AUH: variants seen among roughly 807,000 people sequenced by gnomAD.
AUH encodes the protein AU RNA binding methylglutaconyl-CoA hydratase, also known as methylglutaconyl-CoA hydratase, mitochondrial.
In AUH, 29 loss-of-function variants were observed where a neutral mutation model predicts 42.3. The observed-to-expected ratio is 0.69, with a 90% confidence interval of 0.51 to 0.93. The LOEUF (loss-of-function observed/expected upper bound fraction) is 0.93, where lower values mean the gene tolerates loss of function less well. Among genes scored for constraint, AUH ranks in the 40% least tolerant of loss-of-function variants. The pLI, the probability that AUH is intolerant of heterozygous loss-of-function variation, is 0.00. For synonymous variants in AUH, 174 were observed against 166.4 expected (o/e 1.05, Z -0.35); for missense variants, 452 against 438.1 (o/e 1.03, Z -0.28).
intron 6 of AUH, among the ~76,000 whole-genome samples, chr9:91,239,156 GTT>G (rs35479845): frequency 6.9e-6 from 1 of 145,574 alleles, no homozygotes. Context: ...TTTTTGTTCT[GTT>G]TTTTTTTTTT....
chr9:91,334,254 G>A (rs1342787088), intron 3 of AUH, among the ~76,000 whole-genome samples: 2 of 152,150 alleles, frequency 1.3e-5, no homozygotes, highest in Non-Finnish European at 2.9e-5. Flanking sequence ...GGGCCACAGG[G>A]TGCCCAGATA....
intron 6 of AUH, among the ~76,000 whole-genome samples, chr9:91,227,699 T>C (rs1471194399): frequency 6.6e-6 from 1 of 150,516 alleles, no homozygotes; most frequent in Non-Finnish European, 1.5e-5. Context: ...TTGTCATAGA[T>C]AGCTCTTATT....
chr9:91,264,855 C>T (rs1162313601), intron 6 of AUH, among the ~76,000 whole-genome samples: 1 of 152,104 alleles, frequency 6.6e-6, no homozygotes, highest in Non-Finnish European at 1.5e-5. Flanking sequence ...CATATCTTTG[C>T]TATCTCATAT....
chr9:91,340,293 A>G (rs986409572), intron 3 of AUH, among the ~76,000 whole-genome samples: 2 of 152,212 alleles, frequency 1.3e-5, no homozygotes, highest in Non-Finnish European at 2.9e-5. Flanking sequence ...AACAAAACCA[A>G]TTGACAGTTA....
chr9:91,361,561 C>T, intron 1 of AUH, 67 bp downstream of exon 1: 2 of 1,542,352 alleles, frequency 1.3e-6, no homozygotes, highest in Non-Finnish European at 1.7e-6. Flanking sequence ...GGACGCTGCA[C>T]CTTATGCCCG....
chr9:91,215,993 A>G (rs1826797254), intron 9 of AUH, 66 bp downstream of exon 9: 1 of 1,490,968 alleles, frequency 6.7e-7, no homozygotes, highest in African/African-American at 1.4e-5. Flanking sequence ...ATTCATTTGA[A>G]TTATACAGAA....
chr9:91,234,812 A>G (rs1276523572), intron 6 of AUH, among the ~76,000 whole-genome samples: 1 of 149,256 alleles, frequency 6.7e-6, no homozygotes, highest in Non-Finnish European at 1.5e-5. Context: ...TGTTACACAG[A>G]GAATTTCAGG....
At chr9:91,358,810 T>C (rs1349471934) in intron 1 of AUH, among the ~76,000 whole-genome samples, 1 of 152,330 alleles carries the variant, frequency 6.6e-6, no homozygotes, top group South Asian at 2.1e-4. Context: ...AGCTAGAAAT[T>C]AGCTCTGCAA....
At chr9:91,340,487 G>A (rs1831026583) in intron 3 of AUH, among the ~76,000 whole-genome samples, 2 of 151,930 alleles carry the variant, frequency 1.3e-5, no homozygotes, top group African/African-American at 4.8e-5. Flanking sequence ...ATTTTACCCC[G>A]AAAAGCAATA....
chr9:91,318,922 T>C (rs1829362884), intron 4 of AUH, among the ~76,000 whole-genome samples: 1 of 152,220 alleles, frequency 6.6e-6, no homozygotes, highest in East Asian at 1.9e-4. Context: ...TACCTCACTC[T>C]TGTTATTTTG....
In AUH at chr9:91,319,253, A is replaced by C. The variant is rs190662311; in HGVS notation, c.505+6065T>G. ...TAGTTCAACATTCTTTGAACTTAAA[A>C]CTTTTAAAAATCTTTTTAAGGTAAT... On this transcript the variant is annotated intron_variant, in intron 4 of 9. Coordinates refer to ENST00000375731, the MANE Select transcript of AUH (RefSeq NM_001698.3). 4.4e-3 allele frequency among the ~76,000 whole-genome samples: 670 copies of C among 152,302 alleles called. 3 individuals carry two copies. The highest frequency in any genetic ancestry group is 0.015 in the African/African-American group (631 of 41,568).
chr9:91,334,899 T>C (rs889913729), intron 3 of AUH, among the ~76,000 whole-genome samples: 1 of 152,152 alleles, frequency 6.6e-6, no homozygotes, highest in Admixed American at 6.6e-5. Context: ...TAAAGCCAAA[T>C]AATCAGGTCA....
chr9:91,356,604 G>C (rs963807525), intron 1 of AUH, among the ~76,000 whole-genome samples: 1 of 151,948 alleles, frequency 6.6e-6, no homozygotes, highest in Non-Finnish European at 1.5e-5. Flanking sequence ...TTAACCTGAG[G>C]GCACTTCCAT....
At chr9:91,299,351 A>G (rs7029087) in intron 4 of AUH, among the ~76,000 whole-genome samples, 17,440 of 152,270 alleles carry the variant, frequency 0.11, 1,132 homozygotes, top group African/African-American at 0.17. Flanking sequence ...GCTGAAGTAC[A>G]CTGAGTTTTA....
intron 6 of AUH, among the ~76,000 whole-genome samples, chr9:91,250,703 C>T (rs746036941): frequency 1.8e-4 from 28 of 152,300 alleles, no homozygotes; most frequent in Middle Eastern, 3.4e-3. Flanking sequence ...CTCTGGAGTA[C>T]AGCACCCATC....
At chr9:91,317,476 G>A (rs1276237138) in intron 4 of AUH, among the ~76,000 whole-genome samples, 1 of 152,058 alleles carries the variant, frequency 6.6e-6, no homozygotes, top group Non-Finnish European at 1.5e-5. Flanking sequence ...TCTGTTGTTG[G>A]TATAAAGAAA....
At chr9:91,301,327 A>T (rs1395552934) in intron 4 of AUH, among the ~76,000 whole-genome samples, 1 of 152,192 alleles carries the variant, frequency 6.6e-6, no homozygotes, top group Non-Finnish European at 1.5e-5. Context: ...AAACCCTTGG[A>T]ATCTCTGGAG....
intron 6 of AUH, among the ~76,000 whole-genome samples, chr9:91,264,965 C>A (rs1413258977): frequency 6.6e-6 from 1 of 152,146 alleles, no homozygotes; most frequent in Non-Finnish European, 1.5e-5. Flanking sequence ...GCTGATGAAA[C>A]AACTGATGCC....
chr9:91,225,085 C>G (rs58154704), intron 6 of AUH, among the ~76,000 whole-genome samples: 2 of 152,166 alleles, frequency 1.3e-5, no homozygotes, highest in Non-Finnish European at 2.9e-5. Context: ...CTTGAAAGTA[C>G]TTAAATTTAT....
Sources: allele counts gnomAD v4.1 joint callset (sites outside exome capture counted in the v4.1 genomes callset), GRCh38; gene constraint gnomAD v4.1.1; transcripts MANE v1.5; gene names NCBI Gene and HGNC (gene_info 2026-07-23, HGNC 2026-07-21).